MAU2: variants seen among roughly 807,000 people sequenced by gnomAD.
The protein encoded by MAU2 is MAU2 sister chromatid cohesion factor.
Under a neutral mutation model 89.1 loss-of-function variants are expected in MAU2, and 9 were observed. The observed-to-expected ratio is 0.10, with a 90% CI of 0.06 to 0.18. The LOEUF is 0.18. Among genes scored for constraint, MAU2 ranks in the 10% least tolerant of loss-of-function variants. The pLI is 1.00. For synonymous variants in MAU2, 357 were observed against 343.4 expected (o/e 1.04, Z -0.44); for missense variants, 425 against 803.5 (o/e 0.53, Z 5.69).
chr19:19,336,340 G>A (rs554015755), intron 3 of MAU2, among the ~76,000 whole-genome samples, 153 bp downstream of exon 3: 35 of 152,054 alleles, frequency 2.3e-4, no homozygotes, highest in African/African-American at 7.5e-4. Flanking sequence ...TCACTCTGTC[G>A]CCCAGGCTGG....
At chr19:19,335,353 C>T (rs1426221456) in intron 1 of MAU2, among the ~76,000 whole-genome samples, 1 of 152,210 alleles carries the variant, frequency 6.6e-6, no homozygotes, top group Non-Finnish European at 1.5e-5. Context: ...GACTGCCAGC[C>T]CTACTTCCGT....
rs774383631 is a variant in MAU2 at position 19,354,464 on chromosome 19, C to T, written c.1639+19C>T. 6.2e-7 allele frequency: 1 copy of T among 1,603,226 alleles called. No individual in the cohort carries two copies. The highest frequency in any genetic ancestry group is 8.5e-7 in the Non-Finnish European group (1 of 1,171,630). Reference sequence around the variant, plus strand: ...CTGAGAGGTGAGTGCAATGGCCACCCCTCTTCCCCAGCCCCAGCCTGGCCC... The same window carrying T: ...CTGAGAGGTGAGTGCAATGGCCACCTCTCTTCCCCAGCCCCAGCCTGGCCC... On this transcript the variant is annotated intron_variant, in intron 17 of 18. Transcript: ENST00000262815.
intron 1 of MAU2, among the ~76,000 whole-genome samples, chr19:19,323,800 T>G (rs1332379521): frequency 6.6e-6 from 1 of 152,210 alleles, no homozygotes. Context: ...GCAACTTTAG[T>G]CCTCACTTGA....
rs2146711958 is a variant in MAU2, at chr19:19,353,277, C to T, written c.1549-1078C>T. On this transcript the variant is annotated intron_variant, in intron 16 of 18. Transcript: ENST00000262815. ...AGCGCTGAAGGAGGACTCTCCTTCC[C>T]CAGGCTGCTTTCAGACAGAGGTCCT... The T allele has an allele frequency of 2.0e-5, 3 of 152,336 alleles. No individual in the cohort carries two copies. The Middle Eastern group carries it at 0.01, about 518-fold the overall frequency. The allele number at this position is 152,336 out of a possible 1,614,324, so 9.4% of individuals were successfully genotyped here.
chr19:19,354,123 C>T (rs2061765479), intron 16 of MAU2: 1 of 570,942 alleles, frequency 1.8e-6, no homozygotes, highest in African/African-American at 1.9e-5. Flanking sequence ...GGCCATGCCC[C>T]TGTGAGGGCA....
At chr19:19,329,342 G>A (rs531778055) in intron 1 of MAU2, among the ~76,000 whole-genome samples, 73 of 152,226 alleles carry the variant, frequency 4.8e-4, no homozygotes, top group African/African-American at 1.7e-3. Context: ...CTGACTTCAG[G>A]ATGTGAAATC....
intron 1 of MAU2, among the ~76,000 whole-genome samples, chr19:19,332,725 C>T (rs942696353): frequency 5.9e-5 from 9 of 152,220 alleles, no homozygotes; most frequent in East Asian, 3.9e-4. Flanking sequence ...CACCCGTGGA[C>T]GGACGGAGCT....
intron 1 of MAU2, among the ~76,000 whole-genome samples, chr19:19,323,970 A>C (rs1243749333): frequency 6.6e-6 from 1 of 152,200 alleles, no homozygotes; most frequent in Non-Finnish European, 1.5e-5. Flanking sequence ...GTTTTGGTGA[A>C]GTTTTTTTTC....
chr19:19,350,639 G>GC lies in MAU2; in HGVS notation c.1548+1205dup, dbSNP rs1174954292. Among the ~76,000 whole-genome samples, 5 of 151,132 alleles carry GC rather than the reference G, an allele frequency of 3.3e-5. No individual in the cohort carries two copies. The East Asian group carries it at 9.8e-4, about 30-fold the overall frequency. On this transcript the variant is annotated intron_variant, in intron 16 of 18. Coordinates refer to ENST00000262815, the MANE Select transcript of MAU2 (RefSeq NM_015329.4). ...AAAAAGGCCGGGCATGGTGGCTCAC[G>GC]CCTGTAATCCCAGCACTTTGGGAGG...
intron 8 of MAU2, 37 bp downstream of exon 8, chr19:19,342,718 C>T (rs570212065): frequency 6.2e-6 from 10 of 1,612,722 alleles, no homozygotes; most frequent in East Asian, 2.2e-5. Flanking sequence ...GGGCTGGGGG[C>T]GGGGGCAGGG....
intron 6 of MAU2, 98 bp from the exon 7 acceptor site, chr19:19,341,154 A>G (rs1293573718): frequency 7.1e-7 from 1 of 1,406,790 alleles, no homozygotes; most frequent in Non-Finnish European, 9.6e-7. Flanking sequence ...GATTGGTGGC[A>G]GCAGTCCCAG....
chr19:19,353,144 G>A (rs774490470), intron 16 of MAU2: 3 of 152,242 alleles, frequency 2.0e-5, no homozygotes, highest in Non-Finnish European at 2.9e-5. Flanking sequence ...TCCTGAGCCT[G>A]TTAGGCTAGA....
Position 19,343,952 on chromosome 19 carries a change from A to G in MAU2, c.1077+12A>G. On this transcript the variant is annotated intron_variant, in intron 10 of 18. Coordinates refer to ENST00000262815, the MANE Select transcript of MAU2 (RefSeq NM_015329.4). The stretch of plus-strand genomic sequence containing the variant: ...CGGCGCTGCAGGAGGTAAGGCTGGA[A>G]GCAGGAGGGGCGGGAAGGCCCAGGA... The G allele has an allele frequency of 6.2e-7, 1 of 1,608,394 alleles. No individual in the cohort carries two copies. Among genetic ancestry groups the G allele is most frequent in the Non-Finnish European group, 8.5e-7 (1 of 1,178,166 alleles).
chr19:19,353,407 A>T (rs2061760579), intron 16 of MAU2: 1 of 152,194 alleles, frequency 6.6e-6, no homozygotes, highest in Admixed American at 6.6e-5. Context: ...TGAATTTTAA[A>T]AAGCTCCAAG....
At chr19:19,354,640 G>A in intron 17 of MAU2, 195 bp downstream of exon 17, 2 of 608,038 alleles carry the variant, frequency 3.3e-6, no homozygotes, top group Non-Finnish European at 6.0e-6. Flanking sequence ...GCATCCGCTT[G>A]ACTCGGGGTC....
chr19:19,345,491 G>A lies in MAU2; in HGVS notation c.1221+122G>A, dbSNP rs2061685942. Reference sequence around the variant, plus strand: ...AGCTATGCAAAGCCGCAGCCCCAGAGGCAATGCACAGTAGTCAGCCCATGC... The same window carrying A: ...AGCTATGCAAAGCCGCAGCCCCAGAAGCAATGCACAGTAGTCAGCCCATGC... On this transcript the variant is annotated intron_variant, in intron 12 of 18. Coordinates refer to ENST00000262815, the MANE Select transcript of MAU2 (RefSeq NM_015329.4). This position sits in a 1 kb window ranked among gnomAD's most constrained non-coding sequence, Gnocchi z 4.9. 6 of 922,980 alleles carry A rather than the reference G, an allele frequency of 6.5e-6. No homozygotes were observed. Among genetic ancestry groups the A allele is most frequent in the Admixed American group, 1.8e-5 (1 of 55,220 alleles). 57.2% of individuals were successfully genotyped at this position (922,980 alleles called of 1,614,324 possible). A position where few individuals can be genotyped will look rare whatever the true frequency, so the allele number is the denominator to read the frequency against.
At chr19:19,352,739 T>A (rs1398491832) in intron 16 of MAU2, 1 of 152,288 alleles carries the variant, frequency 6.6e-6, no homozygotes, top group Non-Finnish European at 1.5e-5. Flanking sequence ...TCACTGCTGC[T>A]CCTGGCCCAT....
Position 19,355,722 on chromosome 19 carries a change from AC to A in MAU2, c.1788del (p.Val597CysfsTer128). 1 of 1,608,500 alleles carries A rather than the reference AC, an allele frequency of 6.2e-7. No individual in the cohort carries two copies. ...HNLITWTDGP[P>X]PVQFQAQNGP... ...CCTCCCCACAGTGGACAGACGGTCC[AC>A]CCCCCGTGCAGTTCCAAGCTCAGAA... On this transcript the variant is annotated frameshift_variant, in exon 19 of 19. Transcript: ENST00000262815. LOFTEE classifies it high-confidence loss of function.
chr19:19,332,834 C>T (rs1271834987), intron 1 of MAU2, among the ~76,000 whole-genome samples: 1 of 151,610 alleles, frequency 6.6e-6, no homozygotes, highest in African/African-American at 2.4e-5. Context: ...CCCAGCACTT[C>T]GGGAGGCTAA....
Sources: gnomAD v4.1 joint callset for allele counts (sites outside exome capture counted in the v4.1 genomes callset) on GRCh38, gnomAD v4.1.1 for gene constraint, Gnocchi (gnomAD v3.1) non-coding constraint, MANE v1.5 for transcripts, NCBI Gene and HGNC (gene_info 2026-07-23, HGNC 2026-07-21) for gene names.